The following PPARGC1A variants were observed in gnomAD, a reference collection of about 807,000 sequenced individuals.
PPARGC1A encodes the protein PPARG coactivator 1 alpha, also known as peroxisome proliferator-activated receptor gamma coactivator 1-alpha.
PPARGC1A carries 25 observed loss-of-function variants against 88.7 expected under a neutral mutation model. The ratio of observed to expected loss-of-function variants is 0.28; its 90% CI spans 0.21 to 0.39. The LOEUF is 0.39. PPARGC1A is among the 10% of genes least tolerant of loss of function. PPARGC1A has a pLI of 1.00. For missense variants in PPARGC1A, 880 were observed against 968.7 expected (o/e 0.91, Z 1.22); for synonymous variants, 363 against 355.6 (o/e 1.02, Z -0.24).
the PPARGC1A span, among the ~76,000 whole-genome samples, chr4:24,060,147 T>C: frequency 2.4e-4 from 36 of 152,332 alleles, 1 homozygote; most frequent in African/African-American, 5.5e-4. Flanking sequence ...TGAATAAAGA[T>C]TGAACTTCAT....
At chr4:23,977,902 T>G in the PPARGC1A span, among the ~76,000 whole-genome samples, 12 of 152,304 alleles carry the variant, frequency 7.9e-5, no homozygotes, top group African/African-American at 2.6e-4. Context: ...ACCTGATAAA[T>G]TTGCATTAGA....
the PPARGC1A span, among the ~76,000 whole-genome samples, chr4:24,103,743 C>T: frequency 1.3e-5 from 2 of 152,174 alleles, no homozygotes; most frequent in Admixed American, 1.3e-4. Context: ...CACAGGCTGA[C>T]TGCTGTCCCC....
the PPARGC1A span, among the ~76,000 whole-genome samples, chr4:24,021,336 G>A: frequency 3.3e-5 from 5 of 152,274 alleles, no homozygotes; most frequent in Non-Finnish European, 5.9e-5. Flanking sequence ...CAAAGCCCAC[G>A]GCTAAGAAGC....
chr4:23,921,106 C>T, the PPARGC1A span, among the ~76,000 whole-genome samples: 1 of 152,154 alleles, frequency 6.6e-6, no homozygotes, highest in Non-Finnish European at 1.5e-5. Context: ...CCACTTTGAG[C>T]ACAGTGCAAA....
Position 23,813,057 on chromosome 4 carries a change from C to T in PPARGC1A, c.1862G>A (p.Arg621Lys). 2 of 1,614,070 alleles carry T rather than the reference C, an allele frequency of 1.2e-6. No homozygotes were observed. The highest frequency in any genetic ancestry group is 1.7e-6 in the Non-Finnish European group (2 of 1,179,988). The stretch of plus-strand genomic sequence containing the variant: ...GCTGTAGGGCGATCTTGAACGTGAT[C>T]TCACATACAAGGGAGAATTTCGGTG... ...RTHRNSPLYV[R>K]SRSRSPYSRR... The change falls in exon 9 of 13, where the codon AGA (arginine) becomes AAA (lysine). Residue 621 changes from arginine (R) to lysine (K), a missense_variant. Coordinates refer to ENST00000264867, the MANE Select transcript of PPARGC1A (RefSeq NM_013261.5).
At chr4:24,106,646 C>T in the PPARGC1A span, among the ~76,000 whole-genome samples, 4 of 152,218 alleles carry the variant, frequency 2.6e-5, no homozygotes, top group African/African-American at 7.2e-5. Flanking sequence ...TGCAATGACT[C>T]CCACCATATG....
the PPARGC1A span, among the ~76,000 whole-genome samples, chr4:23,909,569 G>A: frequency 6.6e-6 from 1 of 151,818 alleles, no homozygotes; most frequent in African/African-American, 2.4e-5. Context: ...GGCTTTTGAG[G>A]GGTGCCTGCT....
chr4:24,385,848 T>C, the PPARGC1A span, among the ~76,000 whole-genome samples: 1 of 152,160 alleles, frequency 6.6e-6, no homozygotes, highest in Non-Finnish European at 1.5e-5. Flanking sequence ...TCTGAAACTA[T>C]TCCAAACAAC....
intron 2 of PPARGC1A, among the ~76,000 whole-genome samples, chr4:23,848,700 G>A (rs951456629): frequency 6.6e-6 from 1 of 152,018 alleles, no homozygotes; most frequent in Admixed American, 6.6e-5. Context: ...ATTTTTTGCT[G>A]CTGTTCCTAT....
At chr4:23,862,571 A>C (rs969610577) in intron 2 of PPARGC1A, among the ~76,000 whole-genome samples, 1 of 152,166 alleles carries the variant, frequency 6.6e-6, no homozygotes, top group African/African-American at 2.4e-5. Flanking sequence ...CAAACTGTAA[A>C]ATGAGGTAAC....
chr4:24,238,651 G>C, the PPARGC1A span, among the ~76,000 whole-genome samples: 9 of 151,814 alleles, frequency 5.9e-5, no homozygotes, highest in East Asian at 1.9e-4. Context: ...GTACAAAAAG[G>C]CTTCTCAAGA....
chr4:24,116,642 C>T, the PPARGC1A span, among the ~76,000 whole-genome samples: 2 of 152,140 alleles, frequency 1.3e-5, no homozygotes, highest in African/African-American at 4.8e-5. Context: ...AAAAAGCATT[C>T]CTGGCAGAAG....
chr4:24,424,258 C>CATT, the PPARGC1A span, among the ~76,000 whole-genome samples: 1 of 44,314 alleles, frequency 2.3e-5, no homozygotes, highest in Non-Finnish European at 3.7e-5. Context: ...TATACACACA[C>CATT]TTTTTTTTTT....
At chr4:23,936,146 C>T in the PPARGC1A span, among the ~76,000 whole-genome samples, 1 of 152,048 alleles carries the variant, frequency 6.6e-6, no homozygotes, top group Non-Finnish European at 1.5e-5. Flanking sequence ...AACTGATTCA[C>T]CAAAATGATT....
At chr4:23,844,912 A>T in intron 2 of PPARGC1A, among the ~76,000 whole-genome samples, 1 of 143,308 alleles carries the variant, frequency 7.0e-6, no homozygotes. Context: ...AGAGAAAAAA[A>T]GAGGTAGCAT....
intron 5 of PPARGC1A, among the ~76,000 whole-genome samples, chr4:23,827,015 C>T (rs1414466966): frequency 6.6e-6 from 1 of 152,148 alleles, no homozygotes; most frequent in Non-Finnish European, 1.5e-5. Context: ...GCGAGCTCAT[C>T]TGCTTCCCCT....
chr4:24,291,624 T>C, the PPARGC1A span, among the ~76,000 whole-genome samples: 66 of 152,332 alleles, frequency 4.3e-4, 2 homozygotes, highest in East Asian at 9.8e-3. Flanking sequence ...CACACAGCTA[T>C]TGAAGCAGTA....
chr4:24,443,717 G>A, the PPARGC1A span, among the ~76,000 whole-genome samples: 61 of 142,018 alleles, frequency 4.3e-4, no homozygotes, highest in African/African-American at 7.9e-4. Context: ...CACCATGCCC[G>A]GCTAATTTTT....
the PPARGC1A span, among the ~76,000 whole-genome samples, chr4:24,140,534 T>A: frequency 6.6e-6 from 1 of 152,180 alleles, no homozygotes; most frequent in Non-Finnish European, 1.5e-5. Flanking sequence ...TAATACACTC[T>A]GCCCTCAACT....
Sources: allele counts gnomAD v4.1 joint callset (sites outside exome capture counted in the v4.1 genomes callset), GRCh38; gene constraint gnomAD v4.1.1; transcripts MANE v1.5; gene names NCBI Gene and HGNC (gene_info 2026-07-23, HGNC 2026-07-21).